Variants in CMTR1 observed in about 807,000 individuals in gnomAD.
CMTR1 encodes the protein cap-specific mRNA (nucleoside-2'-O-)-methyltransferase 1.
A neutral mutation model predicts 107.0 loss-of-function variants in CMTR1; 39 were observed. The ratio of observed to expected loss-of-function variants is 0.36; its 90% confidence interval spans 0.28 to 0.48. The LOEUF (loss-of-function observed/expected upper bound fraction) is 0.48, where lower values mean the gene tolerates loss of function less well. Ranked by LOEUF, CMTR1 falls within the 20% of genes least tolerant of loss-of-function variation. The pLI is 0.99. For missense variants in CMTR1, 672 were observed against 1,064.9 expected, an observed-to-expected ratio of 0.63 and a Z score of 5.14; for synonymous variants, 366 against 379.5, an observed-to-expected ratio of 0.96 and a Z score of 0.41.
chr6:37,433,627 G>C (rs577329866), intron 1 of CMTR1, among the ~76,000 whole-genome samples: 1 of 152,356 alleles, frequency 6.6e-6, no homozygotes, highest in East Asian at 1.9e-4. Context: ...CTGGCCGGGA[G>C]ACATGGGAGC....
intron 23 of CMTR1, among the ~76,000 whole-genome samples, chr6:37,479,516 G>C (rs1189512780): frequency 6.6e-6 from 1 of 152,238 alleles, no homozygotes; most frequent in Non-Finnish European, 1.5e-5. Flanking sequence ...CATCTGGGCA[G>C]CGTATCCACC....
At chr6:37,468,091 A>T (rs1453251972) in intron 13 of CMTR1, among the ~76,000 whole-genome samples, 2 of 149,736 alleles carry the variant, frequency 1.3e-5, no homozygotes, top group Non-Finnish European at 3.0e-5. Context: ...TTAATAACTA[A>T]TTCAGTATTT....
the CMTR1 span, among the ~76,000 whole-genome samples, chr6:37,426,716 T>C: frequency 4.9e-4 from 75 of 152,290 alleles, no homozygotes; most frequent in African/African-American, 1.5e-3. Context: ...CTCAGATCTT[T>C]TTTAAAACTT....
chr6:37,459,766 C>A, intron 10 of CMTR1, 82 bp downstream of exon 10: 1 of 936,864 alleles, frequency 1.1e-6, no homozygotes, highest in Non-Finnish European at 1.8e-6. Context: ...TTATCTGGTT[C>A]TTTAGCTGCT....
intron 4 of CMTR1, 35 bp downstream of exon 4, chr6:37,446,484 A>T: frequency 6.3e-7 from 1 of 1,588,488 alleles, no homozygotes; most frequent in Non-Finnish European, 8.5e-7. Flanking sequence ...TGGAAAAGCC[A>T]CTTGTGTTTT....
At chr6:37,430,325 A>G (rs1200189773), upstream of CMTR1, among the ~76,000 whole-genome samples, 2 of 152,158 alleles carry the variant, frequency 1.3e-5, no homozygotes, top group Non-Finnish European at 2.9e-5. Flanking sequence ...ACAGAATGAA[A>G]TGTGCTGTTT....
upstream of CMTR1, among the ~76,000 whole-genome samples, chr6:37,430,737 G>A (rs1021038508): frequency 7.9e-5 from 12 of 152,030 alleles, no homozygotes; most frequent in African/African-American, 2.2e-4. Context: ...AAAGTGGGCC[G>A]AGCACGTTGG....
chr6:37,463,908 G>T (rs1047926600), intron 13 of CMTR1, among the ~76,000 whole-genome samples: 3 of 152,178 alleles, frequency 2.0e-5, no homozygotes, highest in South Asian at 2.1e-4. Flanking sequence ...AAGCAAACAG[G>T]CCCAGCGACC....
At chr6:37,427,358 T>A in the CMTR1 span, among the ~76,000 whole-genome samples, 2 of 152,220 alleles carry the variant, frequency 1.3e-5, no homozygotes, top group Non-Finnish European at 2.9e-5. This position sits in a 1 kb window ranked among gnomAD's most constrained non-coding sequence, Gnocchi z 4.4. Context: ...ATTCTCATTA[T>A]TTTTATGGAA....
chr6:37,478,310 G>T, intron 21 of CMTR1, 99 bp from the exon 22 acceptor site: 1 of 932,806 alleles, frequency 1.1e-6, no homozygotes. Flanking sequence ...GTCAAACCAG[G>T]ATCAGATACT....
intron 1 of CMTR1, among the ~76,000 whole-genome samples, chr6:37,434,475 T>C (rs1771476241): frequency 6.6e-6 from 1 of 152,238 alleles, no homozygotes. Flanking sequence ...CTGTATTCAC[T>C]ACTTCTCTTG....
At chr6:37,468,573 C>G (rs1022756039) in intron 13 of CMTR1, among the ~76,000 whole-genome samples, 1 of 152,166 alleles carries the variant, frequency 6.6e-6, no homozygotes, top group African/African-American at 2.4e-5. Flanking sequence ...GACTAATTCC[C>G]TGCTTTTGTC....
upstream of CMTR1, among the ~76,000 whole-genome samples, chr6:37,431,067 T>C (rs531857034): frequency 1.3e-5 from 2 of 151,228 alleles, no homozygotes; most frequent in South Asian, 2.1e-4. Flanking sequence ...TATATATTTA[T>C]CTGTTTTTTC....
At chr6:37,432,441 G>T (rs1383474694), upstream of CMTR1, among the ~76,000 whole-genome samples, 1 of 152,214 alleles carries the variant, frequency 6.6e-6, no homozygotes, top group Admixed American at 6.5e-5. Context: ...AGTTACTGGA[G>T]AAATTCTGCC....
intron 2 of CMTR1, 95 bp downstream of exon 2, chr6:37,435,857 C>G: frequency 7.5e-7 from 1 of 1,329,792 alleles, no homozygotes; most frequent in South Asian, 1.7e-5. Flanking sequence ...TCCACTGCCC[C>G]TTGGTCCCTT....
chr6:37,481,067 G>A lies in CMTR1; in HGVS notation c.*922G>A. 7.7e-7 allele frequency: 1 copy of A among 1,304,288 alleles called. No homozygotes were observed. The highest frequency in any genetic ancestry group is 1.0e-6 in the Non-Finnish European group (1 of 988,964). 80.8% of individuals were successfully genotyped at this position (1,304,288 alleles called of 1,614,324 possible). A position where few individuals can be genotyped will look rare whatever the true frequency, so the allele number is the denominator to read the frequency against. ...CTCTAGGGTCTTGGCAGAATTCTGAGCTTGAAGTGCAGCTCCCTTACTACC... is the reference window on the plus strand; with the variant it reads ...CTCTAGGGTCTTGGCAGAATTCTGAACTTGAAGTGCAGCTCCCTTACTACC... On this transcript the variant is annotated 3_prime_UTR_variant, in exon 24 of 24. Coordinates refer to ENST00000373451, the MANE Select transcript of CMTR1 (RefSeq NM_015050.3).
rs1486972457 is a variant in CMTR1, at chr6:37,472,781, G to A, written c.1689+294G>A. ...GTCACCCTGGCAAGTTCAGGGTCCT[G>A]TGGGATTTGCCTACAAAGGAGACAT... is the stretch of plus-strand genomic sequence containing the variant. On this transcript the variant is annotated intron_variant, in intron 16 of 23. Coordinates refer to ENST00000373451, the MANE Select transcript of CMTR1 (RefSeq NM_015050.3). This position sits in a 1 kb window ranked among gnomAD's most constrained non-coding sequence, Gnocchi z 4.1. Among the ~76,000 whole-genome samples the A allele has an allele frequency of 6.6e-6, 1 of 152,216 alleles. No homozygotes were observed. The highest frequency in any genetic ancestry group is 6.5e-5 in the Admixed American group (1 of 15,288).
chr6:37,474,667 G>C (rs1452048250), intron 18 of CMTR1, 21 bp downstream of exon 18: 1 of 1,612,420 alleles, frequency 6.2e-7, no homozygotes, highest in Non-Finnish European at 8.5e-7. Flanking sequence ...GTTCTGCTCA[G>C]GTGTTGGCCC....
At chr6:37,425,315 G>A in the CMTR1 span, among the ~76,000 whole-genome samples, 50 of 117,442 alleles carry the variant, frequency 4.3e-4, no homozygotes, top group Admixed American at 8.1e-4. Context: ...TTTTTTCCCC[G>A]AGACAAAGTC....
Sources: gnomAD v4.1 joint callset for allele counts (sites outside exome capture counted in the v4.1 genomes callset) on GRCh38, gnomAD v4.1.1 for gene constraint, Gnocchi (gnomAD v3.1) non-coding constraint, MANE v1.5 for transcripts, NCBI Gene and HGNC (gene_info 2026-07-23, HGNC 2026-07-21) for gene names.